The following ZFHX4 variants were observed in gnomAD, a reference collection of about 807,000 sequenced individuals.
ZFHX4 encodes the protein zinc finger homeobox protein 4.
ZFHX4 carries 56 observed loss-of-function variants against 267.6 expected under a neutral mutation model. That is an observed-to-expected ratio of 0.21 (90% CI 0.17 to 0.26). ZFHX4 has a LOEUF of 0.26. ZFHX4 is among the 10% of genes least tolerant of loss of function. The pLI is 1.00. For missense variants in ZFHX4, 4,332 were observed against 4,420.0 expected (o/e 0.98, Z 0.56); for synonymous variants, 1,778 against 1,665.6 (o/e 1.07, Z -1.64).
In ZFHX4 at chr8:76,727,901, A is replaced by G. The variant is rs1184104203; in HGVS notation, c.3093+19853A>G. On this transcript the variant is annotated intron_variant, in intron 3 of 10. Transcript: ENST00000651372. ...ATTAGACAGCTAGCGGTAATCCCTG[A>G]TAGCTGAAATAGACCTGATAGAACT... is the stretch of plus-strand genomic sequence containing the variant. Among the ~76,000 whole-genome samples, 8 of 152,252 alleles carry G rather than the reference A, an allele frequency of 5.3e-5. 1 individual carries two copies. In the South Asian group the frequency reaches 1.7e-3, roughly 32 times the overall value.
At chr8:76,737,035 G>T (rs990103967) in intron 3 of ZFHX4, among the ~76,000 whole-genome samples, 7 of 152,080 alleles carry the variant, frequency 4.6e-5, no homozygotes, top group Non-Finnish European at 8.8e-5. Flanking sequence ...ATACACAGTT[G>T]CTTTCATGAT....
chr8:76,831,709 T>C (rs1372835632), intron 4 of ZFHX4, among the ~76,000 whole-genome samples: 2 of 152,170 alleles, frequency 1.3e-5, no homozygotes, highest in Non-Finnish European at 2.9e-5. Context: ...GAAACATACA[T>C]GTAAGCTAAT....
intron 8 of ZFHX4, chr8:76,849,923 C>G (rs1011794692): frequency 1.7e-6 from 1 of 603,840 alleles, no homozygotes; most frequent in African/African-American, 1.9e-5. Flanking sequence ...TAGTAAAGAA[C>G]ATTATTTTGC....
chr8:76,731,254 G>C (rs933084723), intron 3 of ZFHX4, among the ~76,000 whole-genome samples: 1 of 152,160 alleles, frequency 6.6e-6, no homozygotes, highest in Non-Finnish European at 1.5e-5. Flanking sequence ...TATCTAGACA[G>C]TGCTCACAAA....
At position 76,849,418 on chromosome 8, in the gene ZFHX4, C is replaced by A. The variant is rs189601426; in HGVS notation, c.3646-94C>A. The A allele has an allele frequency of 1.2e-3, 1,429 of 1,188,484 alleles. 14 individuals are homozygous for A. In the African/African-American group the frequency reaches 0.02, roughly 16 times the overall value. 73.6% of individuals were successfully genotyped at this position (1,188,484 alleles called of 1,614,324 possible). On this transcript the variant is annotated intron_variant, in intron 7 of 10. Coordinates refer to ENST00000651372, the MANE Select transcript of ZFHX4 (RefSeq NM_024721.5). ...ATTATTACACATTGTAAGCATGTAC[C>A]AAAATATCACACGTACCCCCAAAAT...
At chr8:76,707,301 G>A (rs1808302452) in intron 2 of ZFHX4, among the ~76,000 whole-genome samples, 1 of 152,090 alleles carries the variant, frequency 6.6e-6, no homozygotes, top group Admixed American at 6.5e-5. Flanking sequence ...CAACTTTCTT[G>A]CCCTCGAAAA....
chr8:76,693,029 C>T (rs1339499186), intron 1 of ZFHX4, among the ~76,000 whole-genome samples: 1 of 152,056 alleles, frequency 6.6e-6, no homozygotes, highest in East Asian at 1.9e-4. Context: ...AAGCAATTAG[C>T]ATCTTAACAT....
At chr8:76,794,712 A>G (rs1339381078) in intron 4 of ZFHX4, among the ~76,000 whole-genome samples, 1 of 152,194 alleles carries the variant, frequency 6.6e-6, no homozygotes, top group Admixed American at 6.5e-5. Flanking sequence ...GTACAAAACT[A>G]TCTACTCAAA....
chr8:76,694,820 C>T (rs1310587617), intron 1 of ZFHX4, among the ~76,000 whole-genome samples: 3 of 149,380 alleles, frequency 2.0e-5, no homozygotes, highest in East Asian at 2.0e-4. Flanking sequence ...CTCAGATTTT[C>T]GCAACACATT....
chr8:76,835,251 A>ATATATG (rs1563549161), intron 5 of ZFHX4, among the ~76,000 whole-genome samples: 1 of 82,658 alleles, frequency 1.2e-5, no homozygotes, highest in Admixed American at 1.1e-4. Flanking sequence ...GTATATATAT[A>ATATATG]TATATATATT....
At chr8:76,711,172 G>A (rs1204137069) in intron 3 of ZFHX4, among the ~76,000 whole-genome samples, 1 of 152,006 alleles carries the variant, frequency 6.6e-6, no homozygotes, top group African/African-American at 2.4e-5. Flanking sequence ...AACAAACAAA[G>A]CTATATTCAT....
chr8:76,692,717 T>G (rs528566883), intron 1 of ZFHX4, among the ~76,000 whole-genome samples: 36 of 152,264 alleles, frequency 2.4e-4, no homozygotes, highest in African/African-American at 8.2e-4. Context: ...TTATTTTTAA[T>G]ACATTTTTCA....
intron 3 of ZFHX4, among the ~76,000 whole-genome samples, chr8:76,774,763 A>T (rs950957528): frequency 6.6e-6 from 1 of 152,142 alleles, no homozygotes; most frequent in East Asian, 1.9e-4. Context: ...TATTTTAGAA[A>T]TTTGAAAAAT....
chr8:76,755,239 G>A (rs1032488842), intron 3 of ZFHX4, among the ~76,000 whole-genome samples: 8 of 151,906 alleles, frequency 5.3e-5, no homozygotes, highest in Admixed American at 1.3e-4. Flanking sequence ...ATACTAGCCC[G>A]TTGTTATATA....
chr8:76,816,253 A>G (rs199539077), intron 4 of ZFHX4, among the ~76,000 whole-genome samples: 1 of 152,158 alleles, frequency 6.6e-6, no homozygotes, highest in East Asian at 1.9e-4. Flanking sequence ...AAAGATGACC[A>G]TTGTCCTTAT....
intron 4 of ZFHX4, among the ~76,000 whole-genome samples, chr8:76,808,195 T>C (rs1021903968): frequency 6.6e-6 from 1 of 152,128 alleles, no homozygotes; most frequent in African/African-American, 2.4e-5. Context: ...AAAAAAACTT[T>C]TACTAGTCAA....
intron 3 of ZFHX4, among the ~76,000 whole-genome samples, chr8:76,747,856 T>TGGGAGGCGGAGGTTGCA (rs1172115383): frequency 6.6e-6 from 1 of 151,972 alleles, no homozygotes; most frequent in African/African-American, 2.4e-5. Flanking sequence ...CACTTGAACC[T>TGGGAGGCGGAGGTTGCA]GGGAGGCGGA....
Position 76,849,081 on chromosome 8 carries a change from A to G in ZFHX4, c.3598A>G (p.Thr1200Ala), listed in dbSNP as rs759515908. 3.2e-6 allele frequency: 5 copies of G among 1,569,546 alleles called. No homozygotes were observed. Among genetic ancestry groups the G allele is most frequent in the Non-Finnish European group, 4.3e-6 (5 of 1,156,790 alleles). ...GCTGGCAAAAGAAGAGGATGTTGCA[A>G]CAAAAAGGTCAAAACCTACAGAGGA... is the stretch of plus-strand genomic sequence containing the variant. ...LLLAKEEDVATKRSKPTEDNK... is the reference protein window; with the variant it reads ...LLLAKEEDVAAKRSKPTEDNK... Residue 1200 changes from threonine (T) to alanine (A), a missense_variant, in exon 7 of 11, where the codon ACA becomes GCA. By Grantham distance (58) the Thr-to-Ala change is moderately conservative (BLOSUM62 0). Coordinates refer to ENST00000651372, the MANE Select transcript of ZFHX4 (RefSeq NM_024721.5).
At chr8:76,748,421 A>C (rs1260323120) in intron 3 of ZFHX4, among the ~76,000 whole-genome samples, 1 of 152,154 alleles carries the variant, frequency 6.6e-6, no homozygotes, top group Non-Finnish European at 1.5e-5. Context: ...AAAAGTTTTT[A>C]TATTATTGTT....
Sources: allele counts gnomAD v4.1 joint callset (sites outside exome capture counted in the v4.1 genomes callset), GRCh38; gene constraint gnomAD v4.1.1; transcripts MANE v1.5; gene names NCBI Gene and HGNC (gene_info 2026-07-23, HGNC 2026-07-21).